Variants in SHANK2 observed in about 807,000 individuals in gnomAD.
SHANK2 encodes SH3 and multiple ankyrin repeat domains protein 2.
A neutral mutation model predicts 133.7 loss-of-function variants in SHANK2; 43 were observed. The ratio of observed to expected loss-of-function variants is 0.32; its 90% CI spans 0.25 to 0.41. SHANK2 has a LOEUF of 0.41. Ranked by LOEUF, SHANK2 falls within the 10% of genes least tolerant of loss-of-function variation. The probability of loss-of-function intolerance (pLI) is 1.00; values close to 1 mark genes in which losing one functional copy is unlikely to be tolerated. For synonymous variants in SHANK2, 1,017 were observed against 952.8 expected, an observed-to-expected ratio of 1.07 and a Z score of -1.24; for missense variants, 1,994 against 2,235.8, an observed-to-expected ratio of 0.89 and a Z score of 2.18.
At chr11:70,575,299 G>A (rs1002956235) in intron 17 of SHANK2, among the ~76,000 whole-genome samples, 50 of 152,236 alleles carry the variant, frequency 3.3e-4, no homozygotes, top group African/African-American at 1.2e-3. Context: ...ATCACCTGAG[G>A]TCAGGAGATT....
chr11:71,209,877 G>A (rs1954217917), intron 2 of SHANK2, among the ~76,000 whole-genome samples: 1 of 152,092 alleles, frequency 6.6e-6, no homozygotes, highest in South Asian at 2.1e-4. Context: ...GGCTCTCTGG[G>A]ACAGCAGGAC....
chr11:70,595,072 G>A (rs2060379798), intron 17 of SHANK2, among the ~76,000 whole-genome samples: 1 of 152,154 alleles, frequency 6.6e-6, no homozygotes, highest in Non-Finnish European at 1.5e-5. Flanking sequence ...CCCCAAGGTG[G>A]TTTCTGCAGC....
At chr11:70,818,220 G>A (rs1051674630) in intron 12 of SHANK2, among the ~76,000 whole-genome samples, 14 of 152,026 alleles carry the variant, frequency 9.2e-5, no homozygotes, top group Non-Finnish European at 1.3e-4. Flanking sequence ...TAACATGCAC[G>A]CGCATGTCTA....
At chr11:71,071,631 T>A (rs1370061259) in intron 9 of SHANK2, among the ~76,000 whole-genome samples, 1 of 152,152 alleles carries the variant, frequency 6.6e-6, no homozygotes, top group Non-Finnish European at 1.5e-5. Flanking sequence ...GGTCAGGAAG[T>A]CTGAATTGGA....
chr11:70,813,902 C>T (rs759499050), intron 12 of SHANK2, among the ~76,000 whole-genome samples: 17 of 152,092 alleles, frequency 1.1e-4, no homozygotes, highest in Admixed American at 5.2e-4. Flanking sequence ...TGAGGATGCA[C>T]GACAGGGACT....
At chr11:70,507,384 C>T (rs181166240) in intron 17 of SHANK2, among the ~76,000 whole-genome samples, 5 of 152,346 alleles carry the variant, frequency 3.3e-5, no homozygotes, top group South Asian at 4.1e-4. Flanking sequence ...CTATTTCCTA[C>T]GGGAGCCACA....
At chr11:71,081,808 G>A (rs1391136451) in intron 8 of SHANK2, among the ~76,000 whole-genome samples, 3 of 152,196 alleles carry the variant, frequency 2.0e-5, no homozygotes, top group Non-Finnish European at 1.5e-5. Context: ...TCACTGTTGC[G>A]GCTCCAGACA....
chr11:70,884,649 G>A (rs190699989), intron 11 of SHANK2, among the ~76,000 whole-genome samples: 3 of 152,282 alleles, frequency 2.0e-5, no homozygotes, highest in Admixed American at 6.5e-5. Flanking sequence ...TACGGTGTCC[G>A]GTCCCCCCCA....
intron 17 of SHANK2, among the ~76,000 whole-genome samples, chr11:70,587,602 T>C (rs2060270687): frequency 6.6e-6 from 1 of 152,064 alleles, no homozygotes; most frequent in South Asian, 2.1e-4. Context: ...TGCAGAGGCA[T>C]ATCTTGTTTT....
intron 2 of SHANK2, among the ~76,000 whole-genome samples, chr11:71,164,874 C>T (rs60079515): frequency 0.25 from 37,809 of 151,806 alleles, 5,104 homozygotes; most frequent in African/African-American, 0.34. Context: ...TGCTTGGGGA[C>T]GGCTATGACT....
intron 6 of SHANK2, among the ~76,000 whole-genome samples, chr11:71,107,450 G>T (rs1951818357): frequency 6.6e-6 from 1 of 152,288 alleles, no homozygotes; most frequent in African/African-American, 2.4e-5. Flanking sequence ...TGGTCTTTGT[G>T]ATCAGTAAAC....
At chr11:71,234,402 T>TAAATAAATAAATAAATAAAA (rs1471555760) in intron 1 of SHANK2, among the ~76,000 whole-genome samples, 1 of 148,866 alleles carries the variant, frequency 6.7e-6, no homozygotes, top group South Asian at 2.1e-4. Flanking sequence ...AATAAATAAA[T>TAAATAAATAAATAAATAAAA]AACAACAAAA....
At chr11:70,794,971 A>G (rs1947876316) in intron 14 of SHANK2, among the ~76,000 whole-genome samples, 1 of 152,152 alleles carries the variant, frequency 6.6e-6, no homozygotes. Flanking sequence ...TATGTAAATC[A>G]CACCTCTATA....
At chr11:71,219,526 T>G (rs1954492640) in intron 2 of SHANK2, among the ~76,000 whole-genome samples, 1 of 151,772 alleles carries the variant, frequency 6.6e-6, no homozygotes, top group Non-Finnish European at 1.5e-5. Flanking sequence ...AATAGGAAAA[T>G]GCAAACCAAA....
At chr11:71,159,260 T>C (rs1304594854) in intron 2 of SHANK2, among the ~76,000 whole-genome samples, 3 of 152,242 alleles carry the variant, frequency 2.0e-5, no homozygotes, top group Non-Finnish European at 4.4e-5. Flanking sequence ...TGACCTGTAC[T>C]CTGACACTCA....
In SHANK2 at chr11:70,479,275, G is replaced by A. The variant is rs1457858102; in HGVS notation, c.4980-5836C>T. Among the ~76,000 whole-genome samples, 1 of 152,220 alleles carries A rather than the reference G, an allele frequency of 6.6e-6. No homozygotes were observed. The highest frequency in any genetic ancestry group is 1.5e-5 in the Non-Finnish European group (1 of 68,034). On this transcript the variant is annotated intron_variant, in intron 25 of 25. Transcript: ENST00000601538. This position sits in a 1 kb window ranked among gnomAD's most constrained non-coding sequence, Gnocchi z 4.4. ...CTTCTAGTACCAAGTCAGTTTTGAA[G>A]CAGTCTGTGCTCTGGGACCAGCTGG...
At chr11:70,689,919 G>A (rs577593397) in intron 15 of SHANK2, among the ~76,000 whole-genome samples, 1 of 152,330 alleles carries the variant, frequency 6.6e-6, no homozygotes, top group South Asian at 2.1e-4. Context: ...GAGACGGGAT[G>A]GTGATGAAGC....
At chr11:70,680,690 T>C (rs2134382940) in intron 15 of SHANK2, among the ~76,000 whole-genome samples, 1 of 152,270 alleles carries the variant, frequency 6.6e-6, no homozygotes, top group South Asian at 2.1e-4. Flanking sequence ...AGGACATGGA[T>C]GTCTCTGGGC....
chr11:70,664,630 C>A (rs1282583763), intron 15 of SHANK2, among the ~76,000 whole-genome samples: 27 of 152,242 alleles, frequency 1.8e-4, no homozygotes, highest in Admixed American at 1.6e-3. Context: ...TGGGCAGCTC[C>A]TCCTGCAGTG....
Sources: gnomAD v4.1 joint callset for allele counts (sites outside exome capture counted in the v4.1 genomes callset) on GRCh38, gnomAD v4.1.1 for gene constraint, Gnocchi (gnomAD v3.1) non-coding constraint, MANE v1.5 for transcripts, NCBI Gene and HGNC (gene_info 2026-07-23, HGNC 2026-07-21) for gene names.